The following SRPK2 variants were observed in gnomAD, a reference collection of about 807,000 sequenced individuals.
The protein encoded by SRPK2 is SFRS protein kinase 2.
In SRPK2, 21 loss-of-function variants were observed where a neutral mutation model predicts 90.8. That is an observed-to-expected ratio of 0.23 (90% CI 0.16 to 0.33). The LOEUF is 0.33. Ranked by LOEUF, SRPK2 falls within the 10% of genes least tolerant of loss-of-function variation. The probability of loss-of-function intolerance (pLI) is 1.00; values close to 1 mark genes in which losing one functional copy is unlikely to be tolerated. For synonymous variants in SRPK2, 288 were observed against 311.1 expected, an observed-to-expected ratio of 0.93 and a Z score of 0.78; for missense variants, 620 against 869.0, an observed-to-expected ratio of 0.71 and a Z score of 3.60.
At chr7:105,203,313 T>G (rs764403107) in intron 3 of SRPK2, among the ~76,000 whole-genome samples, 5 of 152,142 alleles carry the variant, frequency 3.3e-5, no homozygotes, top group Non-Finnish European at 7.4e-5. Context: ...GATGGTTTAT[T>G]ATGTCCTCTA....
intron 2 of SRPK2, among the ~76,000 whole-genome samples, chr7:105,265,634 T>C (rs540902065): frequency 1.1e-4 from 16 of 152,236 alleles, no homozygotes; most frequent in African/African-American, 3.9e-4. Flanking sequence ...GTTTTTTTAA[T>C]CAGATATTCA....
intron 2 of SRPK2, among the ~76,000 whole-genome samples, chr7:105,385,932 A>T (rs1211924682): frequency 6.6e-6 from 1 of 152,164 alleles, no homozygotes; most frequent in Non-Finnish European, 1.5e-5. Context: ...CCTATCCCTT[A>T]GCCCTATCTG....
At chr7:105,296,755 T>C (rs1809867904) in intron 2 of SRPK2, among the ~76,000 whole-genome samples, 1 of 152,234 alleles carries the variant, frequency 6.6e-6, no homozygotes, top group African/African-American at 2.4e-5. Context: ...GCTTACTATG[T>C]GCCAGGTACT....
At chr7:105,170,977 GA>G (rs1791016532) in intron 3 of SRPK2, among the ~76,000 whole-genome samples, 1 of 42,210 alleles carries the variant, frequency 2.4e-5, no homozygotes, top group Admixed American at 2.4e-4. Flanking sequence ...GAGAAAGAAA[GA>G]GAAAGAAAGA....
intron 2 of SRPK2, among the ~76,000 whole-genome samples, chr7:105,255,302 T>C (rs975155817): frequency 1.3e-5 from 2 of 151,874 alleles, no homozygotes; most frequent in African/African-American, 4.8e-5. Flanking sequence ...CCTTTACTAG[T>C]TGCACAGCAA....
chr7:105,180,184 G>C (rs1585076992), intron 3 of SRPK2, among the ~76,000 whole-genome samples: 1 of 152,138 alleles, frequency 6.6e-6, no homozygotes, highest in Non-Finnish European at 1.5e-5. Flanking sequence ...TATACTAAAA[G>C]GTGACAGTAA....
chr7:105,160,653 G>A (rs767666560), intron 6 of SRPK2, 40 bp from the exon 7 acceptor site: 2 of 1,188,212 alleles, frequency 1.7e-6, no homozygotes, highest in Non-Finnish European at 2.5e-6. Flanking sequence ...TGCACTGCCT[G>A]GAGTGAGGCA....
intron 2 of SRPK2, among the ~76,000 whole-genome samples, chr7:105,344,008 C>A (rs569867593): frequency 1.3e-5 from 2 of 152,318 alleles, no homozygotes; most frequent in East Asian, 3.9e-4. Context: ...AGGTGATCCA[C>A]CCGACTCAGC....
intron 2 of SRPK2, among the ~76,000 whole-genome samples, chr7:105,295,097 A>C (rs1809610256): frequency 1.3e-5 from 2 of 151,844 alleles, no homozygotes; most frequent in South Asian, 4.1e-4. Flanking sequence ...CTGTAGTCCC[A>C]GCTACTCAGG....
chr7:105,338,918 G>C (rs1428478969), intron 2 of SRPK2, among the ~76,000 whole-genome samples: 1 of 151,998 alleles, frequency 6.6e-6, no homozygotes, highest in African/African-American at 2.4e-5. Context: ...GGGTGTTTTT[G>C]TCTGATTGCA....
chr7:105,324,715 C>CAAAATTTTA (rs1813365869), intron 2 of SRPK2, among the ~76,000 whole-genome samples: 1 of 151,936 alleles, frequency 6.6e-6, no homozygotes, highest in East Asian at 1.9e-4. Flanking sequence ...GGCAAAACCC[C>CAAAATTTTA]GTCTCTACTA....
intron 2 of SRPK2, among the ~76,000 whole-genome samples, chr7:105,216,524 C>G (rs759652102): frequency 6.6e-6 from 1 of 151,956 alleles, no homozygotes; most frequent in Non-Finnish European, 1.5e-5. Context: ...CATGGTGGCA[C>G]GCGCCTGTGG....
intron 3 of SRPK2, among the ~76,000 whole-genome samples, chr7:105,182,951 A>G (rs1282823804): frequency 6.6e-6 from 1 of 152,216 alleles, no homozygotes; most frequent in Non-Finnish European, 1.5e-5. Flanking sequence ...TTCTATTACA[A>G]TGTAAAATTA....
intron 2 of SRPK2, among the ~76,000 whole-genome samples, chr7:105,375,528 AAAG>A (rs1417821493): frequency 6.6e-6 from 1 of 152,210 alleles, no homozygotes; most frequent in Non-Finnish European, 1.5e-5. Context: ...TTTAAAAAGA[AAAG>A]AAAATGTATT....
At chr7:105,300,991 AT>A (rs1320519121) in intron 2 of SRPK2, among the ~76,000 whole-genome samples, 1 of 152,190 alleles carries the variant, frequency 6.6e-6, no homozygotes, top group Non-Finnish European at 1.5e-5. Context: ...TAGAAATACC[AT>A]TTGACCCAGC....
chr7:105,193,284 T>C (rs1019176154), intron 3 of SRPK2, among the ~76,000 whole-genome samples: 4 of 152,318 alleles, frequency 2.6e-5, no homozygotes, highest in African/African-American at 9.6e-5. Flanking sequence ...CCAGCACCAT[T>C]TGTTGAATAG....
At chr7:105,268,721 A>G in intron 2 of SRPK2, 1 of 1,483,822 alleles carries the variant, frequency 6.7e-7, no homozygotes. Context: ...TATATAGCAA[A>G]CTTGACAAGA....
intron 2 of SRPK2, among the ~76,000 whole-genome samples, chr7:105,373,377 CAA>C (rs34073549): frequency 4.4e-5 from 6 of 137,176 alleles, no homozygotes; most frequent in Admixed American, 2.3e-4. Flanking sequence ...TACTTTGCCA[CAA>C]AAAAAAAAAA....
At chr7:105,203,601 C>CGTG (rs761631423) in intron 3 of SRPK2, 27 bp downstream of exon 3, 2 of 1,461,148 alleles carry the variant, frequency 1.4e-6, no homozygotes, top group Non-Finnish European at 9.0e-7. Flanking sequence ...GAAGGCAAGC[C>CGTG]CCACACCACC....
Sources: gnomAD v4.1 joint callset for allele counts (sites outside exome capture counted in the v4.1 genomes callset) on GRCh38, gnomAD v4.1.1 for gene constraint, MANE v1.5 for transcripts, NCBI Gene and HGNC (gene_info 2026-07-23, HGNC 2026-07-21) for gene names.